MED12L: variants seen among roughly 807,000 people sequenced by gnomAD.
MED12L encodes the protein mediator of RNA polymerase II transcription subunit 12-like protein.
In MED12L, 60 loss-of-function variants were observed where a neutral mutation model predicts 281.3. The observed-to-expected ratio is 0.21, with a 90% CI of 0.17 to 0.26. MED12L has a LOEUF of 0.26. Ranked by LOEUF, MED12L falls within the 10% of genes least tolerant of loss-of-function variation. The pLI is 1.00. For missense variants in MED12L, 2,146 were observed against 2,680.9 expected, an observed-to-expected ratio of 0.80 and a Z score of 4.41; for synonymous variants, 974 against 987.2, an observed-to-expected ratio of 0.99 and a Z score of 0.25.
At chr3:151,321,997 A>G (rs938080267) in intron 16 of MED12L, among the ~76,000 whole-genome samples, 1 of 152,042 alleles carries the variant, frequency 6.6e-6, no homozygotes, top group African/African-American at 2.4e-5. Context: ...ATATTGATAC[A>G]CCCAGTTTCT....
chr3:151,233,761 C>T (rs185998552), intron 16 of MED12L, among the ~76,000 whole-genome samples: 83 of 152,238 alleles, frequency 5.5e-4, no homozygotes, highest in African/African-American at 1.9e-3. Context: ...AACACAGCAC[C>T]GACTTGAGAG....
intron 3 of MED12L, 54 bp from the exon 4 acceptor site, chr3:151,122,729 C>A: frequency 1.5e-6 from 2 of 1,290,372 alleles, no homozygotes; most frequent in East Asian, 2.5e-5. Context: ...ATGTACAGTA[C>A]TAAGCTACTT....
chr3:151,338,122 T>C (rs1256866256), intron 16 of MED12L: 2 of 1,614,008 alleles, frequency 1.2e-6, no homozygotes, highest in Admixed American at 3.3e-5. Context: ...AATACAGCAA[T>C]GATAATGAAA....
chr3:151,156,035 C>T, intron 5 of MED12L, 126 bp from the exon 6 acceptor site: 1 of 790,676 alleles, frequency 1.3e-6, no homozygotes, highest in Admixed American at 3.2e-5. Context: ...AGGCACAGAT[C>T]ATTTTTAGGG....
intron 16 of MED12L, among the ~76,000 whole-genome samples, chr3:151,289,612 G>C (rs1743986525): frequency 6.6e-6 from 1 of 152,112 alleles, no homozygotes; most frequent in Non-Finnish European, 1.5e-5. Flanking sequence ...TGGGTTAAGG[G>C]GCTGATTTAC....
At chr3:151,211,712 A>G (rs980711135) in intron 16 of MED12L, among the ~76,000 whole-genome samples, 4 of 152,238 alleles carry the variant, frequency 2.6e-5, no homozygotes, top group African/African-American at 9.6e-5. Flanking sequence ...CAGTAGCACA[A>G]TCATGGCTCA....
At chr3:151,306,553 C>T (rs189781503) in intron 16 of MED12L, among the ~76,000 whole-genome samples, 13 of 152,350 alleles carry the variant, frequency 8.5e-5, no homozygotes, top group Middle Eastern at 3.4e-3. Flanking sequence ...GGGAGGACAA[C>T]ATCCAGGACT....
Position 151,156,304 on chromosome 3 carries a change from G to A in MED12L, c.700G>A (p.Glu234Lys), listed in dbSNP as rs1196661926. The A allele has an allele frequency of 4.3e-6, 7 of 1,610,112 alleles. No homozygotes were observed. The highest frequency in any genetic ancestry group is 1.1e-5 in the South Asian group (1 of 90,248). Reference protein sequence around the residue: ...EQAMKQWEYNEKLAFHMFQEG... With the variant: ...EQAMKQWEYNKKLAFHMFQEG... ...AGCCATGAAGCAATGGGAATACAAC[G>A]AAAAGCTAGCATTTCACATGTTCCA... is the stretch of plus-strand genomic sequence containing the variant. Residue 234 changes from glutamate (E) to lysine (K), a missense_variant, in exon 6 of 45, where the codon GAA becomes AAA. Coordinates refer to ENST00000687756, the MANE Select transcript of MED12L (RefSeq NM_001393769.1).
intron 16 of MED12L, among the ~76,000 whole-genome samples, chr3:151,222,349 T>C (rs758830224): frequency 1.3e-5 from 2 of 152,198 alleles, no homozygotes; most frequent in Non-Finnish European, 2.9e-5. Flanking sequence ...TGTGAAGATA[T>C]GAGATTTGGG....
At chr3:151,150,624 A>G (rs905538765) in intron 5 of MED12L, among the ~76,000 whole-genome samples, 9 of 152,228 alleles carry the variant, frequency 5.9e-5, no homozygotes, top group African/African-American at 2.2e-4. Context: ...TCTAGCTATG[A>G]AAGTCCTGGA....
intron 39 of MED12L, among the ~76,000 whole-genome samples, chr3:151,397,701 A>G (rs1228132421): frequency 6.6e-6 from 1 of 152,198 alleles, no homozygotes; most frequent in Non-Finnish European, 1.5e-5. Context: ...CTATGGCAGG[A>G]AGATTTTCTC....
chr3:151,372,964 A>G (rs1756376029), intron 27 of MED12L, among the ~76,000 whole-genome samples, 198 bp downstream of exon 27: 2 of 152,182 alleles, frequency 1.3e-5, no homozygotes, highest in African/African-American at 4.8e-5. Flanking sequence ...CGGATTTACT[A>G]ATTTTTACAT....
intron 16 of MED12L, among the ~76,000 whole-genome samples, chr3:151,287,283 A>G (rs2149651141): frequency 6.6e-6 from 1 of 152,270 alleles, no homozygotes; most frequent in Admixed American, 6.5e-5. Flanking sequence ...AAGAGGTGGG[A>G]TACAGGTCTG....
At chr3:151,233,189 C>T (rs542958705) in intron 16 of MED12L, among the ~76,000 whole-genome samples, 16 of 152,152 alleles carry the variant, frequency 1.1e-4, no homozygotes, top group Non-Finnish European at 2.4e-4. Flanking sequence ...TTGACGAGCC[C>T]GGCTGCCTCA....
chr3:151,290,634 GTTTTTT>G lies in MED12L; in HGVS notation c.2251-59415_2251-59410del. On this transcript the variant is annotated intron_variant, in intron 16 of 44. Coordinates refer to ENST00000687756, the MANE Select transcript of MED12L (RefSeq NM_001393769.1). ...ATGAAATTCATGTTATTACAGCCTT[GTTTTTT>G]TTTTTTTTTACATCTGTAACAAAAC... Among the ~76,000 whole-genome samples the G allele has an allele frequency of 1.3e-5, 2 of 149,298 alleles. 1 individual carries two copies. Among genetic ancestry groups the G allele is most frequent in the South Asian group, 4.2e-4 (2 of 4,742 alleles).
At chr3:151,287,460 C>T (rs1033847163) in intron 16 of MED12L, among the ~76,000 whole-genome samples, 4 of 152,032 alleles carry the variant, frequency 2.6e-5, no homozygotes, top group African/African-American at 9.7e-5. Flanking sequence ...GAAAAGAGGG[C>T]ACTCAGATTT....
At chr3:151,096,190 A>G (rs934814511) in intron 2 of MED12L, among the ~76,000 whole-genome samples, 4 of 152,230 alleles carry the variant, frequency 2.6e-5, no homozygotes, top group Non-Finnish European at 5.9e-5. Context: ...TGAAATCGCT[A>G]GGCTGCTAAA....
At chr3:151,294,091 A>T in intron 16 of MED12L, 2 of 887,916 alleles carry the variant, frequency 2.3e-6, no homozygotes, top group Non-Finnish European at 3.5e-6. Flanking sequence ...CATATTTTTG[A>T]TGGGCTCAAG....
At chr3:151,261,137 G>T (rs760201886) in intron 16 of MED12L, among the ~76,000 whole-genome samples, 1 of 152,008 alleles carries the variant, frequency 6.6e-6, no homozygotes, top group Non-Finnish European at 1.5e-5. Context: ...ATAAGAGGGG[G>T]TGCAATTTTA....
Sources: allele counts gnomAD v4.1 joint callset (sites outside exome capture counted in the v4.1 genomes callset), GRCh38; gene constraint gnomAD v4.1.1; transcripts MANE v1.5; gene names NCBI Gene and HGNC (gene_info 2026-07-23, HGNC 2026-07-21).